COL26A1: variants seen among roughly 807,000 people sequenced by gnomAD.
The protein encoded by COL26A1 is collagen alpha-1(XXVI) chain.
A neutral mutation model predicts 59.3 loss-of-function variants in COL26A1; 41 were observed. The observed-to-expected ratio is 0.69, with a 90% CI of 0.54 to 0.90. The LOEUF (loss-of-function observed/expected upper bound fraction) is 0.90. COL26A1 is among the 40% of genes least tolerant of loss of function. The pLI, the probability that COL26A1 is intolerant of heterozygous loss-of-function variation, is 0.00. For synonymous variants in COL26A1, 266 were observed against 256.0 expected (o/e 1.04, Z -0.37); for missense variants, 612 against 602.3 (o/e 1.02, Z -0.17).
chr7:101,465,697 AAAAAAAAAAAAAAAAG>A (rs1793742646), intron 3 of COL26A1, among the ~76,000 whole-genome samples: 1 of 73,936 alleles, frequency 1.4e-5, no homozygotes, highest in Non-Finnish European at 3.5e-5. Flanking sequence ...GTCTCAAAAA[AAAAAAAAAAAAAAAAG>A]AAAAGAAAAA....
rs1796040609 is a variant in COL26A1, at chr7:101,558,761, G to C, written c.*1231G>C. On this transcript the variant is annotated 3_prime_UTR_variant, in exon 13 of 13. Transcript: ENST00000313669. ...TTGCTGGGCTGGGACCTGGGACACA[G>C]CCACGGCAGCAAACTCAGAGAATTG... The C allele has an allele frequency of 6.6e-6, 1 of 152,316 alleles. No individual in the cohort carries two copies. The highest frequency in any genetic ancestry group is 1.5e-5 in the Non-Finnish European group (1 of 68,152). 9.4% of individuals were successfully genotyped at this position (152,316 alleles called of 1,614,324 possible).
upstream of COL26A1, chr7:101,362,682 C>T (rs1178486664): frequency 1.9e-5 from 7 of 368,628 alleles, no homozygotes; most frequent in Non-Finnish European, 3.4e-5. Flanking sequence ...TAGCGGGGGC[C>T]TGGGCGCGAG....
chr7:101,549,234 T>C lies in COL26A1; in HGVS notation c.993+11T>C, dbSNP rs1795809218. ...ACACCTGGATCCCAGGTAAGGACTT[T>C]GCCATTTTAGGTAGGGTGTGGGAGG... is the stretch of plus-strand genomic sequence containing the variant. On this transcript the variant is annotated intron_variant, in intron 9 of 12. Coordinates refer to ENST00000313669, the MANE Select transcript of COL26A1 (RefSeq NM_001278563.3). 2 of 1,600,670 alleles carry C rather than the reference T, an allele frequency of 1.2e-6. No homozygotes were observed. Among genetic ancestry groups the C allele is most frequent in the African/African-American group, 1.3e-5 (1 of 74,406 alleles).
intron 4 of COL26A1, among the ~76,000 whole-genome samples, chr7:101,536,842 C>T (rs1163499212): frequency 1.3e-5 from 2 of 152,190 alleles, no homozygotes; most frequent in African/African-American, 4.8e-5. Context: ...TGGTTGATGC[C>T]TCATGATTAT....
chr7:101,405,126 G>A (rs1179316584), intron 1 of COL26A1, among the ~76,000 whole-genome samples: 3 of 147,084 alleles, frequency 2.0e-5, no homozygotes, highest in Non-Finnish European at 4.6e-5. Flanking sequence ...GGAGACCGAG[G>A]CAGGAGAATG....
chr7:101,518,615 G>T (rs2130604227), intron 3 of COL26A1, among the ~76,000 whole-genome samples: 1 of 152,264 alleles, frequency 6.6e-6, no homozygotes, highest in East Asian at 1.9e-4. Context: ...TTCTGGATGA[G>T]GAAGAAAGGG....
intron 1 of COL26A1, among the ~76,000 whole-genome samples, chr7:101,384,235 T>G (rs1267026308): frequency 6.9e-6 from 1 of 145,978 alleles, no homozygotes; most frequent in South Asian, 2.2e-4. Flanking sequence ...GGCTGGTTTT[T>G]TTTTTTTTTT....
intron 1 of COL26A1, among the ~76,000 whole-genome samples, chr7:101,364,988 T>G (rs1326126633): frequency 2.6e-5 from 4 of 152,226 alleles, no homozygotes; most frequent in African/African-American, 9.6e-5. Context: ...TTCTGGCTAA[T>G]TCCTTAATAA....
intron 1 of COL26A1, among the ~76,000 whole-genome samples, chr7:101,385,381 A>G (rs1179603174): frequency 1.3e-5 from 2 of 148,424 alleles, no homozygotes; most frequent in Non-Finnish European, 3.0e-5. Flanking sequence ...ATATATATAT[A>G]TATATTTGTG....
chr7:101,516,018 G>A (rs1161363153), intron 3 of COL26A1, among the ~76,000 whole-genome samples: 2 of 152,232 alleles, frequency 1.3e-5, no homozygotes, highest in African/African-American at 4.8e-5. Context: ...CTGTGGAACT[G>A]AGGATTAATT....
rs367833942 is a variant in COL26A1 at position 101,362,880 on chromosome 7, C to A, written c.-153C>A. On this transcript the variant is annotated 5_prime_UTR_variant, in exon 1 of 13. Coordinates refer to ENST00000313669, the MANE Select transcript of COL26A1 (RefSeq NM_001278563.3). ...GGCCCCGGAGAGGCGTGGGCGCCCCCCACACATTTCCAGCTCGCACCCGGG... is the reference window on the plus strand; with the variant it reads ...GGCCCCGGAGAGGCGTGGGCGCCCCACACACATTTCCAGCTCGCACCCGGG... 9.2e-4 allele frequency: 661 copies of A among 720,080 alleles called. No individual in the cohort carries two copies. Among genetic ancestry groups the A allele is most frequent in the Non-Finnish European group, 1.4e-3 (636 of 468,982 alleles). 44.6% of individuals were successfully genotyped at this position (720,080 alleles called of 1,614,324 possible).
rs1792378707 is a variant in COL26A1, at chr7:101,416,788, G to A, written c.159-3189G>A. Reference sequence around the variant, plus strand: ...AGGGTCTTGCTCTGTCACCCAGTGTGGAGTGCAGCGGTGCGATCATGGCTC... The same window carrying A: ...AGGGTCTTGCTCTGTCACCCAGTGTAGAGTGCAGCGGTGCGATCATGGCTC... On this transcript the variant is annotated intron_variant, in intron 1 of 12. Coordinates refer to ENST00000313669, the MANE Select transcript of COL26A1 (RefSeq NM_001278563.3). Among the ~76,000 whole-genome samples, 4 of 143,252 alleles carry A rather than the reference G, an allele frequency of 2.8e-5. 2 individuals carry two copies. The highest frequency in any genetic ancestry group is 6.3e-5 in the Non-Finnish European group (4 of 63,108). 94.0% of individuals were successfully genotyped at this position (143,252 alleles called of 152,430 possible).
chr7:101,524,135 G>C (rs1176254398), intron 3 of COL26A1, among the ~76,000 whole-genome samples: 3 of 151,988 alleles, frequency 2.0e-5, no homozygotes, highest in Non-Finnish European at 4.4e-5. Flanking sequence ...GCCGGGCATG[G>C]TGGTGGGTGG....
chr7:101,492,530 C>G (rs1313382950), intron 3 of COL26A1, among the ~76,000 whole-genome samples: 12 of 151,536 alleles, frequency 7.9e-5, no homozygotes, highest in Non-Finnish European at 1.6e-4. Context: ...AACCCCATCT[C>G]TACTAAAAAT....
chr7:101,497,234 A>G (rs972558040), intron 3 of COL26A1, among the ~76,000 whole-genome samples: 4 of 152,154 alleles, frequency 2.6e-5, no homozygotes, highest in African/African-American at 9.7e-5. Flanking sequence ...GCAAAACTCC[A>G]TCTCAAAAAA....
In COL26A1 at chr7:101,363,010, G is replaced by A. The variant is rs1235928122; in HGVS notation, c.-23G>A. ...CCGGTCCTCGTGCCCGGGACTCCGG[G>A]TCCCCGCGGGCTGCTGCGCACGATG... is the stretch of plus-strand genomic sequence containing the variant. On this transcript the variant is annotated 5_prime_UTR_variant, in exon 1 of 13. Transcript: ENST00000313669. 1 of 1,561,944 alleles carries A rather than the reference G, an allele frequency of 6.4e-7. No homozygotes were observed. Among genetic ancestry groups the A allele is most frequent in the South Asian group, 1.2e-5 (1 of 86,342 alleles).
chr7:101,466,843 A>AGAGG (rs1793774578), intron 3 of COL26A1, among the ~76,000 whole-genome samples: 1 of 88,180 alleles, frequency 1.1e-5, no homozygotes, highest in African/African-American at 4.0e-5. Flanking sequence ...TGTGTGAGAG[A>AGAGG]GAGAGATTCA....
chr7:101,400,966 G>A (rs548578979), intron 1 of COL26A1, among the ~76,000 whole-genome samples: 3 of 152,306 alleles, frequency 2.0e-5, no homozygotes, highest in Admixed American at 6.5e-5. Context: ...GAGTTCAAGG[G>A]CCTGTGGTCT....
At chr7:101,417,924 C>T (rs2130266521) in intron 1 of COL26A1, among the ~76,000 whole-genome samples, 1 of 152,056 alleles carries the variant, frequency 6.6e-6, no homozygotes, top group African/African-American at 2.4e-5. Flanking sequence ...AGGGTTTCTC[C>T]ATGTTGGCCA....
Sources: allele counts gnomAD v4.1 joint callset (sites outside exome capture counted in the v4.1 genomes callset), GRCh38; gene constraint gnomAD v4.1.1; transcripts MANE v1.5; gene names NCBI Gene and HGNC (gene_info 2026-07-23, HGNC 2026-07-21).